CAMK1D: variants seen among roughly 807,000 people sequenced by gnomAD.
CAMK1D encodes the protein calcium/calmodulin dependent protein kinase ID.
CAMK1D carries 9 observed loss-of-function variants against 47.7 expected under a neutral mutation model. The ratio of observed to expected loss-of-function variants is 0.19; its 90% confidence interval spans 0.11 to 0.33. The LOEUF is 0.33. CAMK1D is among the 10% of genes least tolerant of loss of function. CAMK1D has a pLI of 1.00. For synonymous variants in CAMK1D, 184 were observed against 184.9 expected (o/e 0.99, Z 0.04); for missense variants, 291 against 488.7 (o/e 0.60, Z 3.81).
chr10:12,530,635 C>G (rs1191233212), intron 1 of CAMK1D, among the ~76,000 whole-genome samples: 1 of 152,196 alleles, frequency 6.6e-6, no homozygotes, highest in African/African-American at 2.4e-5. Flanking sequence ...GGAAGGTCTT[C>G]CCGTGGCCTC....
At chr10:12,802,552 G>A (rs1454289799) in intron 6 of CAMK1D, among the ~76,000 whole-genome samples, 1 of 152,036 alleles carries the variant, frequency 6.6e-6, no homozygotes, top group East Asian at 1.9e-4. Flanking sequence ...ACAGAGTCTT[G>A]CTCTGTCACC....
Position 12,734,360 on chromosome 10 carries a change from A to ATC in CAMK1D, c.300-26587_300-26586insCT, listed in dbSNP as rs1835047211. On this transcript the variant is annotated intron_variant, in intron 3 of 10. Transcript: ENST00000619168. ...AAAAAAAAAAAATATATATATATATATATATATATATATATATAGATATAG... is the reference window on the plus strand; with the variant it reads ...AAAAAAAAAAAATATATATATATATATCTATATATATATATATATAGATATAG... Among the ~76,000 whole-genome samples the ATC allele has an allele frequency of 3.1e-4, 2 of 6,416 alleles. 1 individual carries two copies. The highest frequency in any genetic ancestry group is 9.2e-4 in the African/African-American group (2 of 2,180). The allele number at this position is 6,416 out of a possible 152,430, so 4.2% of individuals were successfully genotyped here. A position where few individuals can be genotyped will look rare whatever the true frequency, so the allele number is the denominator to read the frequency against.
At chr10:12,732,373 C>A (rs1834925455) in intron 3 of CAMK1D, among the ~76,000 whole-genome samples, 2 of 152,098 alleles carry the variant, frequency 1.3e-5, no homozygotes, top group African/African-American at 4.8e-5. Flanking sequence ...GAGCTGAAAT[C>A]ATTGAAAAAT....
intron 1 of CAMK1D, among the ~76,000 whole-genome samples, chr10:12,551,065 C>A (rs1375517545): frequency 6.6e-6 from 1 of 152,226 alleles, no homozygotes; most frequent in African/African-American, 2.4e-5. Flanking sequence ...TAGGGGTCCC[C>A]AACCCCTGGG....
chr10:12,483,224 C>T (rs1248392175), intron 1 of CAMK1D, among the ~76,000 whole-genome samples: 2 of 152,116 alleles, frequency 1.3e-5, no homozygotes, highest in Admixed American at 1.3e-4. Flanking sequence ...TTCTTTGAGA[C>T]AAGGTCTCAT....
At chr10:12,410,416 G>A (rs1189449063) in intron 1 of CAMK1D, among the ~76,000 whole-genome samples, 1 of 152,126 alleles carries the variant, frequency 6.6e-6, no homozygotes, top group African/African-American at 2.4e-5. Flanking sequence ...CCTTAGAACA[G>A]TTCGCCCCCT....
intron 3 of CAMK1D, among the ~76,000 whole-genome samples, chr10:12,718,223 T>C (rs112640129): frequency 0.012 from 1,794 of 152,280 alleles, 25 homozygotes; most frequent in African/African-American, 0.04. Context: ...TTGTCTCATG[T>C]TAAAACATGC....
At chr10:12,589,462 C>T (rs115867371) in intron 2 of CAMK1D, among the ~76,000 whole-genome samples, 101 of 152,312 alleles carry the variant, frequency 6.6e-4, no homozygotes, top group African/African-American at 2.3e-3. Flanking sequence ...CTTCACTGAC[C>T]GTGCTTGCTT....
chr10:12,362,495 G>GT (rs71513324), intron 1 of CAMK1D, among the ~76,000 whole-genome samples: 44,089 of 150,986 alleles, frequency 0.29, 6,657 homozygotes, highest in South Asian at 0.37. Flanking sequence ...TTTGTTTTTT[G>GT]TTTTTTGTTT....
intron 5 of CAMK1D, among the ~76,000 whole-genome samples, chr10:12,779,288 T>C (rs904895931): frequency 6.6e-6 from 1 of 152,200 alleles, no homozygotes; most frequent in Non-Finnish European, 1.5e-5. Context: ...TAAAATTATG[T>C]ATATTGCCTG....
intron 1 of CAMK1D, among the ~76,000 whole-genome samples, chr10:12,549,621 C>T (rs1323380465): frequency 6.6e-6 from 1 of 152,190 alleles, no homozygotes; most frequent in African/African-American, 2.4e-5. Flanking sequence ...ACCTTGGCTC[C>T]CTGACTCTGC....
chr10:12,440,604 G>A (rs80355234), intron 1 of CAMK1D, among the ~76,000 whole-genome samples: 2,535 of 152,158 alleles, frequency 0.017, 31 homozygotes, highest in Middle Eastern at 0.051. Context: ...CTGTTTTTTT[G>A]TTTAATTTGG....
chr10:12,792,109 G>A (rs987762419), intron 6 of CAMK1D, among the ~76,000 whole-genome samples: 1 of 152,106 alleles, frequency 6.6e-6, no homozygotes, highest in Non-Finnish European at 1.5e-5. Flanking sequence ...CTTTTTGGTG[G>A]ATACAAACCA....
rs902135504 is a variant in CAMK1D at position 12,772,134 on chromosome 10, A to G, written c.565+2335A>G. Among the ~76,000 whole-genome samples, 3 of 152,062 alleles carry G rather than the reference A, an allele frequency of 2.0e-5. No homozygotes were observed. In the South Asian group the frequency reaches 6.2e-4, roughly 31 times the overall value. ...GCGTGATAACGGTTGCAGGAATAGC[A>G]TGGTCCCTGCCTGGGGGACATGTGC... On this transcript the variant is annotated intron_variant, in intron 5 of 10. Coordinates refer to ENST00000619168, the MANE Select transcript of CAMK1D (RefSeq NM_153498.4).
At chr10:12,476,460 C>T (rs1008447389) in intron 1 of CAMK1D, among the ~76,000 whole-genome samples, 6 of 151,926 alleles carry the variant, frequency 3.9e-5, no homozygotes, top group African/African-American at 4.8e-5. Context: ...GATCTACAGA[C>T]GATCTGCAGG....
intron 2 of CAMK1D, among the ~76,000 whole-genome samples, chr10:12,591,761 T>C (rs1173729915): frequency 1.3e-5 from 2 of 152,224 alleles, no homozygotes; most frequent in African/African-American, 4.8e-5. Flanking sequence ...TGGCGCGATC[T>C]CGGCTCACTG....
intron 2 of CAMK1D, among the ~76,000 whole-genome samples, chr10:12,586,748 CA>C (rs1837830478): frequency 6.6e-6 from 1 of 151,954 alleles, no homozygotes; most frequent in Admixed American, 6.6e-5. Context: ...AAAAAAACAA[CA>C]AAAAACTTAA....
chr10:12,601,959 G>A (rs1838317571), intron 2 of CAMK1D, among the ~76,000 whole-genome samples: 1 of 152,208 alleles, frequency 6.6e-6, no homozygotes, highest in South Asian at 2.1e-4. Flanking sequence ...GTCCTGCCCA[G>A]GGCAAGGGAT....
At chr10:12,411,895 A>G (rs1041413955) in intron 1 of CAMK1D, among the ~76,000 whole-genome samples, 3 of 151,674 alleles carry the variant, frequency 2.0e-5, no homozygotes, top group Non-Finnish European at 2.9e-5. Context: ...TGCCCGGACA[A>G]GCCTACCTGG....
Sources: allele counts gnomAD v4.1 joint callset (sites outside exome capture counted in the v4.1 genomes callset), GRCh38; gene constraint gnomAD v4.1.1; transcripts MANE v1.5; gene names NCBI Gene and HGNC (gene_info 2026-07-23, HGNC 2026-07-21).